The following GRIP1 variants were observed in gnomAD, a reference collection of about 807,000 sequenced individuals.
The protein encoded by GRIP1 is glutamate receptor interacting protein 1.
A neutral mutation model predicts 129.9 loss-of-function variants in GRIP1; 45 were observed. The observed-to-expected ratio is 0.35, with a 90% confidence interval of 0.27 to 0.44. The LOEUF (loss-of-function observed/expected upper bound fraction) is 0.44. Ranked by LOEUF, GRIP1 falls within the 20% of genes least tolerant of loss-of-function variation. The pLI is 1.00. For missense variants in GRIP1, 1,196 were observed against 1,396.8 expected (o/e 0.86, Z 2.29); for synonymous variants, 530 against 520.8 (o/e 1.02, Z -0.24).
intron 1 of GRIP1, among the ~76,000 whole-genome samples, chr12:66,600,968 C>G (rs534515485): frequency 6.6e-6 from 1 of 152,274 alleles, no homozygotes; most frequent in East Asian, 1.9e-4. Flanking sequence ...CACATGATGG[C>G]CCTCCACAGG....
chr12:66,863,608 G>T (rs1201356190), intron 1 of GRIP1, among the ~76,000 whole-genome samples: 2 of 152,022 alleles, frequency 1.3e-5, no homozygotes, highest in Admixed American at 1.3e-4. Flanking sequence ...AGAAGTGTAT[G>T]CTTGGAGTGT....
At chr12:66,936,795 C>T (rs192911676) in intron 1 of GRIP1, among the ~76,000 whole-genome samples, 73 of 152,250 alleles carry the variant, frequency 4.8e-4, no homozygotes, top group Middle Eastern at 3.4e-3. Context: ...ACCATGCCAC[C>T]AGGGTAACCA....
Position 66,780,284 on chromosome 12 carries a change from G to C in GRIP1, c.-420+23769C>G, listed in dbSNP as rs187634821. Among the ~76,000 whole-genome samples the C allele has an allele frequency of 2.0e-3, 300 of 152,314 alleles. 1 individual carries two copies. Among genetic ancestry groups the C allele is most frequent in the Non-Finnish European group, 3.3e-3 (226 of 68,014 alleles). On this transcript the variant is annotated intron_variant, in intron 1 of 4. Transcript: ENST00000538373. ...GCAAGCAGGCATCTGATGGATGCGG[G>C]AACAGGAGAACCTCCAAATAGTCAG...
chr12:66,663,517 G>T (rs2033629162), intron 1 of GRIP1, among the ~76,000 whole-genome samples: 1 of 152,168 alleles, frequency 6.6e-6, no homozygotes, highest in Non-Finnish European at 1.5e-5. Flanking sequence ...TGGTTTGACA[G>T]AATTGACTTG....
At position 66,448,314 on chromosome 12, in the gene GRIP1, T is replaced by C. The variant is rs964849137; in HGVS notation, c.1355-2806A>G. Among the ~76,000 whole-genome samples the C allele has an allele frequency of 2.0e-5, 3 of 152,170 alleles. No homozygotes were observed. The East Asian group carries it at 5.8e-4, about 29-fold the overall frequency. The stretch of plus-strand genomic sequence containing the variant: ...GTAGCCTTAACTCACAACTCCCCAT[T>C]GTCTCAAATTCTATCCATTGCTAAA... On this transcript the variant is annotated intron_variant, in intron 11 of 24. Transcript: ENST00000359742.
chr12:67,038,975 T>C (rs900087186), intron 1 of GRIP1, among the ~76,000 whole-genome samples: 2 of 151,468 alleles, frequency 1.3e-5, no homozygotes, highest in African/African-American at 4.9e-5. Context: ...ACCAAACCCA[T>C]TCCCAAATCC....
At chr12:66,983,638 CTG>C (rs759765529) in intron 1 of GRIP1, among the ~76,000 whole-genome samples, 16 of 152,076 alleles carry the variant, frequency 1.1e-4, no homozygotes, top group Non-Finnish European at 1.0e-4. Flanking sequence ...AATATTTTCC[CTG>C]TGTTTTATAC....
intron 1 of GRIP1, among the ~76,000 whole-genome samples, chr12:67,028,807 C>CT (rs1301173083): frequency 4.6e-5 from 7 of 152,214 alleles, no homozygotes; most frequent in African/African-American, 1.7e-4. Context: ...CATACCAGCA[C>CT]TTTACAAATC....
intron 1 of GRIP1, among the ~76,000 whole-genome samples, chr12:66,732,570 C>A (rs986756452): frequency 1.3e-5 from 2 of 151,340 alleles, no homozygotes; most frequent in Admixed American, 1.3e-4. Flanking sequence ...AAAAAAAAAA[C>A]AAAAGAATGA....
At chr12:67,007,394 C>T (rs188420554) in intron 1 of GRIP1, among the ~76,000 whole-genome samples, 2 of 152,234 alleles carry the variant, frequency 1.3e-5, no homozygotes, top group East Asian at 1.9e-4. Flanking sequence ...TAGATACAAC[C>T]TGCCTTTCTC....
At chr12:66,518,727 C>T (rs2060917815) in intron 5 of GRIP1, among the ~76,000 whole-genome samples, 1 of 152,206 alleles carries the variant, frequency 6.6e-6, no homozygotes, top group East Asian at 1.9e-4. Context: ...GCTCACTCCA[C>T]ATTTGGACAC....
At chr12:66,548,578 T>G (rs1177198845) in intron 2 of GRIP1, among the ~76,000 whole-genome samples, 1 of 152,180 alleles carries the variant, frequency 6.6e-6, no homozygotes, top group Non-Finnish European at 1.5e-5. Flanking sequence ...CATGATGGAC[T>G]AAAATACATC....
At chr12:66,956,410 T>C (rs1289449748) in intron 1 of GRIP1, among the ~76,000 whole-genome samples, 2 of 152,192 alleles carry the variant, frequency 1.3e-5, no homozygotes, top group African/African-American at 4.8e-5. Flanking sequence ...CAGCAGGATT[T>C]ATCACTGGAG....
At chr12:66,491,202 C>T (rs573887816) in intron 7 of GRIP1, among the ~76,000 whole-genome samples, 50 of 152,166 alleles carry the variant, frequency 3.3e-4, no homozygotes, top group African/African-American at 9.6e-4. Flanking sequence ...AGCAGAGATA[C>T]GGAATCAACC....
chr12:66,869,852 C>T (rs1464760981), intron 1 of GRIP1, among the ~76,000 whole-genome samples: 3 of 152,124 alleles, frequency 2.0e-5, no homozygotes, highest in African/African-American at 7.2e-5. Context: ...TCCCTTTGCA[C>T]TAAATCCAAG....
intron 1 of GRIP1, among the ~76,000 whole-genome samples, chr12:66,958,643 T>A (rs2041878349): frequency 6.6e-6 from 1 of 152,216 alleles, no homozygotes; most frequent in South Asian, 2.1e-4. Flanking sequence ...GTGAATAAAT[T>A]TAAGATATCA....
At chr12:66,595,602 C>A (rs10878460) in intron 2 of GRIP1, among the ~76,000 whole-genome samples, 1 of 152,064 alleles carries the variant, frequency 6.6e-6, no homozygotes, top group Non-Finnish European at 1.5e-5. Flanking sequence ...ATAACACAGT[C>A]CAGAGCTGAC....
chr12:66,966,881 A>C (rs1422747494), intron 1 of GRIP1, among the ~76,000 whole-genome samples: 1 of 152,176 alleles, frequency 6.6e-6, no homozygotes, highest in Non-Finnish European at 1.5e-5. Flanking sequence ...CTATACTCTG[A>C]AACAAAGTCA....
chr12:66,481,400 A>G (rs2059802050), intron 7 of GRIP1, among the ~76,000 whole-genome samples: 1 of 152,228 alleles, frequency 6.6e-6, no homozygotes, highest in South Asian at 2.1e-4. Context: ...ACAATGAGAT[A>G]CCATCTCATG....
Sources: allele counts gnomAD v4.1 joint callset (sites outside exome capture counted in the v4.1 genomes callset), GRCh38; gene constraint gnomAD v4.1.1; transcripts MANE v1.5; gene names NCBI Gene and HGNC (gene_info 2026-07-23, HGNC 2026-07-21).